Variants in SUGCT observed in about 807,000 individuals in gnomAD.
The protein encoded by SUGCT is succinyl-CoA:glutarate-CoA transferase, also known as succinyl-CoA:glutarate CoA-transferase.
A neutral mutation model predicts 55.0 loss-of-function variants in SUGCT; 41 were observed. The observed-to-expected ratio is 0.74, with a 90% CI of 0.58 to 0.97. The LOEUF (loss-of-function observed/expected upper bound fraction) is 0.97. SUGCT is among the 50% of genes least tolerant of loss of function. The pLI is 0.00. For missense variants in SUGCT, 568 were observed against 547.8 expected (o/e 1.04, Z -0.37); for synonymous variants, 187 against 200.4 (o/e 0.93, Z 0.56).
At chr7:40,798,203 G>C (rs1790641466) in intron 13 of SUGCT, among the ~76,000 whole-genome samples, 1 of 152,066 alleles carries the variant, frequency 6.6e-6, no homozygotes, top group African/African-American at 2.4e-5. Context: ...TCCCTTCCCA[G>C]TGATCTTCTT....
intron 11 of SUGCT, among the ~76,000 whole-genome samples, chr7:40,474,889 G>T (rs1032667814): frequency 6.6e-6 from 1 of 152,146 alleles, no homozygotes; most frequent in African/African-American, 2.4e-5. Flanking sequence ...AATTAAATGT[G>T]TGAATACAGT....
At chr7:40,838,752 C>A (rs1241862564) in intron 13 of SUGCT, among the ~76,000 whole-genome samples, 1 of 152,014 alleles carries the variant, frequency 6.6e-6, no homozygotes, top group East Asian at 1.9e-4. Context: ...CTTTTTATTG[C>A]CTTATTACTG....
chr7:40,218,588 G>A (rs1339528717), intron 6 of SUGCT, among the ~76,000 whole-genome samples: 3 of 152,040 alleles, frequency 2.0e-5, no homozygotes, highest in Non-Finnish European at 4.4e-5. Context: ...ACACCAATCA[G>A]CACTCAGTAA....
intron 13 of SUGCT, among the ~76,000 whole-genome samples, chr7:40,761,279 A>C (rs1788519038): frequency 6.6e-6 from 1 of 152,168 alleles, no homozygotes; most frequent in South Asian, 2.1e-4. Context: ...CTCTTGGATA[A>C]ATATTTTGTG....
the SUGCT span, among the ~76,000 whole-genome samples, chr7:40,915,315 C>A: frequency 2.6e-5 from 4 of 152,078 alleles, no homozygotes; most frequent in Non-Finnish European, 5.9e-5. Context: ...GGCTGGAATC[C>A]AATTTCAAGG....
rs539552752 is a variant in SUGCT at position 40,415,392 on chromosome 7, C to T, written c.817-33895C>T. Among the ~76,000 whole-genome samples the T allele has an allele frequency of 2.0e-4, 30 of 150,204 alleles. No individual in the cohort carries two copies. The South Asian group carries it at 5.2e-3, about 26-fold the overall frequency. ...TCTGTTTATGTTTATTGGACATTTG[C>T]ATTTCCTGTTCTTTTTTGGTTGCTT... On this transcript the variant is annotated intron_variant, in intron 9 of 13. Coordinates refer to ENST00000335693, the MANE Select transcript of SUGCT (RefSeq NM_001193313.2).
At chr7:40,763,734 C>G (rs1271430668) in intron 13 of SUGCT, among the ~76,000 whole-genome samples, 1 of 152,182 alleles carries the variant, frequency 6.6e-6, no homozygotes, top group African/African-American at 2.4e-5. Context: ...ATCTCAGAAA[C>G]AGCATCCAGA....
intron 7 of SUGCT, among the ~76,000 whole-genome samples, chr7:40,263,330 T>C (rs1259756028): frequency 6.6e-6 from 1 of 152,236 alleles, no homozygotes; most frequent in Non-Finnish European, 1.5e-5. Context: ...AAAAACATGA[T>C]GTTGGAAGCA....
intron 13 of SUGCT, among the ~76,000 whole-genome samples, chr7:40,752,465 C>G (rs949283197): frequency 1.3e-5 from 2 of 152,224 alleles, no homozygotes; most frequent in Admixed American, 1.3e-4. Context: ...AAGCAATTCC[C>G]CTGCCTCAGC....
At chr7:40,906,076 A>G in the SUGCT span, among the ~76,000 whole-genome samples, 1 of 151,532 alleles carries the variant, frequency 6.6e-6, no homozygotes, top group Non-Finnish European at 1.5e-5. Flanking sequence ...CTGCATTCAT[A>G]CTGTTGTGCA....
intron 9 of SUGCT, among the ~76,000 whole-genome samples, chr7:40,324,533 G>A (rs1584684244): frequency 6.6e-6 from 1 of 152,160 alleles, no homozygotes; most frequent in Non-Finnish European, 1.5e-5. Flanking sequence ...TGGGATTACA[G>A]GCATGAGCCA....
intron 6 of SUGCT, among the ~76,000 whole-genome samples, chr7:40,235,091 A>G (rs776359997): frequency 6.6e-6 from 1 of 152,170 alleles, no homozygotes; most frequent in Admixed American, 6.6e-5. Flanking sequence ...AAGATAAAAC[A>G]TAAGCAGAGA....
chr7:40,388,936 AT>A (rs992073631), intron 9 of SUGCT, among the ~76,000 whole-genome samples: 1 of 152,198 alleles, frequency 6.6e-6, no homozygotes, highest in Admixed American at 6.5e-5. Context: ...ACTTAAAAAA[AT>A]ATGTTTGAGA....
chr7:40,169,140 C>T (rs186486761), intron 1 of SUGCT, among the ~76,000 whole-genome samples: 1 of 152,170 alleles, frequency 6.6e-6, no homozygotes, highest in Non-Finnish European at 1.5e-5. Flanking sequence ...TATATATTTA[C>T]CCTTTTTCCT....
intron 12 of SUGCT, among the ~76,000 whole-genome samples, chr7:40,577,940 A>T (rs1196582682): frequency 6.6e-6 from 1 of 152,172 alleles, no homozygotes; most frequent in African/African-American, 2.4e-5. Flanking sequence ...TTTAATATTC[A>T]TCCTGTTTAG....
Position 40,371,978 on chromosome 7 carries a change from A to T in SUGCT, c.816+55123A>T, listed in dbSNP as rs570345911. Among the ~76,000 whole-genome samples the T allele has an allele frequency of 2.1e-4, 32 of 152,062 alleles. 1 individual carries two copies. Among genetic ancestry groups the T allele is most frequent in the Middle Eastern group, 3.4e-3 (1 of 294 alleles). On this transcript the variant is annotated intron_variant, in intron 9 of 13. Transcript: ENST00000335693. ...CACACACACACACACACACATCTGT[A>T]TAAAAATAGTCTAGGTTGAGGAGGA...
At chr7:40,950,529 T>C in the SUGCT span, among the ~76,000 whole-genome samples, 2 of 152,160 alleles carry the variant, frequency 1.3e-5, no homozygotes, top group East Asian at 3.9e-4. Flanking sequence ...ATCCCTGTCT[T>C]GTGCCAGTTT....
chr7:40,203,178 A>G (rs753374525), intron 6 of SUGCT, among the ~76,000 whole-genome samples: 1 of 152,218 alleles, frequency 6.6e-6, no homozygotes, highest in Middle Eastern at 3.2e-3. Flanking sequence ...ACTCTTTCCA[A>G]GGAAATTCAG....
intron 11 of SUGCT, among the ~76,000 whole-genome samples, chr7:40,476,461 G>A (rs1394066823): frequency 1.3e-5 from 2 of 152,098 alleles, no homozygotes; most frequent in Non-Finnish European, 2.9e-5. Context: ...TTCACAAATT[G>A]TTTTTGGAGT....
Sources: gnomAD v4.1 joint callset for allele counts (sites outside exome capture counted in the v4.1 genomes callset) on GRCh38, gnomAD v4.1.1 for gene constraint, MANE v1.5 for transcripts, NCBI Gene and HGNC (gene_info 2026-07-23, HGNC 2026-07-21) for gene names.